RTRAF: variants seen among roughly 807,000 people sequenced by gnomAD.
RTRAF encodes the protein tRNA-splicing ligase complex subunit RTRAF.
A neutral mutation model predicts 34.4 loss-of-function variants in RTRAF; 14 were observed. The ratio of observed to expected loss-of-function variants is 0.41; its 90% CI spans 0.27 to 0.64. The LOEUF (loss-of-function observed/expected upper bound fraction) is 0.64, where lower values mean the gene tolerates loss of function less well. Among genes scored for constraint, RTRAF ranks in the 30% least tolerant of loss-of-function variants. The probability of loss-of-function intolerance (pLI) is 0.34; values close to 1 mark genes in which losing one functional copy is unlikely to be tolerated. For synonymous variants in RTRAF, 96 were observed against 95.3 expected, an observed-to-expected ratio of 1.01 and a Z score of -0.04; for missense variants, 291 against 288.4, an observed-to-expected ratio of 1.01 and a Z score of -0.06.
At position 52,009,425 on chromosome 14, in the gene RTRAF, C is replaced by T. The variant is rs1370896607; in HGVS notation, c.*4909C>T. 1.3e-5 allele frequency: 2 copies of T among 152,184 alleles called. No homozygotes were observed. The highest frequency in any genetic ancestry group is 2.9e-5 in the Non-Finnish European group (2 of 68,030). 9.4% of individuals were successfully genotyped at this position (152,184 alleles called of 1,614,324 possible). On this transcript the variant is annotated 3_prime_UTR_variant, in exon 8 of 8. Coordinates refer to ENST00000261700, the MANE Select transcript of RTRAF (RefSeq NM_016039.3). ...AGCAAATGAGAAATATGCAGGAAGG[C>T]TTGACAACCATTCTGTTACGCAGTT... is the stretch of plus-strand genomic sequence containing the variant.
intron 4 of RTRAF, 72 bp downstream of exon 4, chr14:51,998,652 G>A (rs1890559054): frequency 1.0e-6 from 1 of 967,158 alleles, no homozygotes; most frequent in South Asian, 1.6e-5. Flanking sequence ...TTTGAAGAAT[G>A]AAGTCCAGGT....
Position 52,008,306 on chromosome 14 carries a change from A to C in RTRAF, c.*3790A>C, listed in dbSNP as rs894858356. 1 of 195,908 alleles carries C rather than the reference A, an allele frequency of 5.1e-6. No individual in the cohort carries two copies. Among genetic ancestry groups the C allele is most frequent in the African/African-American group, 2.4e-5 (1 of 42,532 alleles). 12.1% of individuals were successfully genotyped at this position (195,908 alleles called of 1,614,324 possible). The stretch of plus-strand genomic sequence containing the variant: ...TGTCCTTGAGGGCTGTTGGCCAGAG[A>C]CATTAGTCTTGCCTGTAGCCCATGT... On this transcript the variant is annotated 3_prime_UTR_variant, in exon 8 of 8. Transcript: ENST00000261700.
At position 52,006,676 on chromosome 14, in the gene RTRAF, G is replaced by T; in HGVS notation, c.*2160G>T. Reference sequence around the variant, plus strand: ...TTTTTGGTTCCTTTTAAAACAAAGGGGGAAAATGAGGTCCTTCAGCTGCTT... The same window carrying T: ...TTTTTGGTTCCTTTTAAAACAAAGGTGGAAAATGAGGTCCTTCAGCTGCTT... On this transcript the variant is annotated 3_prime_UTR_variant, in exon 8 of 8. Transcript: ENST00000261700. 6.2e-7 allele frequency: 1 copy of T among 1,612,622 alleles called. No homozygotes were observed. The highest frequency in any genetic ancestry group is 1.1e-5 in the South Asian group (1 of 90,944).
intron 2 of RTRAF, among the ~76,000 whole-genome samples, chr14:51,993,049 G>C (rs1046627608): frequency 6.6e-6 from 1 of 152,056 alleles, no homozygotes; most frequent in African/African-American, 2.4e-5. Context: ...AAATATGTAT[G>C]TATGTGTGTG....
At chr14:51,990,168 C>G (rs1379220707) in intron 1 of RTRAF, among the ~76,000 whole-genome samples, 2 of 152,102 alleles carry the variant, frequency 1.3e-5, no homozygotes, top group Non-Finnish European at 2.9e-5. Flanking sequence ...ACCCACTGAG[C>G]AGTTTGAGAC....
At position 52,004,705 on chromosome 14, in the gene RTRAF, ATGTAC is replaced by A; in HGVS notation, c.*194_*198del. The A allele has an allele frequency of 1.9e-6, 1 of 533,128 alleles. No individual in the cohort carries two copies. Among genetic ancestry groups the A allele is most frequent in the South Asian group, 3.1e-5 (1 of 32,406 alleles). 33.0% of individuals were successfully genotyped at this position (533,128 alleles called of 1,614,324 possible). A position where few individuals can be genotyped will look rare whatever the true frequency, so the allele number is the denominator to read the frequency against. On this transcript the variant is annotated 3_prime_UTR_variant, in exon 8 of 8. Coordinates refer to ENST00000261700, the MANE Select transcript of RTRAF (RefSeq NM_016039.3). ...AGTTTAGGAAAGTAGAATTTTTATT[ATGTAC>A]TGTATGTTTGCATAAATCACCTTTC... is the stretch of plus-strand genomic sequence containing the variant.
chr14:52,006,457 A>G lies in RTRAF; in HGVS notation c.*1941A>G. The G allele has an allele frequency of 6.5e-7, 1 of 1,528,274 alleles. No homozygotes were observed. Among genetic ancestry groups the G allele is most frequent in the Non-Finnish European group, 9.0e-7 (1 of 1,115,066 alleles). 94.7% of individuals were successfully genotyped at this position (1,528,274 alleles called of 1,614,324 possible). ...GAGGGCTTAATGAGTCAAGTCAGGT[A>G]CTGACTTTTGGTAAAACAAGTGGTG... On this transcript the variant is annotated 3_prime_UTR_variant, in exon 8 of 8. Transcript: ENST00000261700.
intron 3 of RTRAF, among the ~76,000 whole-genome samples, chr14:51,996,812 A>G (rs1380612109): frequency 2.0e-5 from 3 of 152,044 alleles, no homozygotes; most frequent in African/African-American, 7.2e-5. Context: ...CTCTCGAAAG[A>G]AAAAAATAAC....
In RTRAF at chr14:51,989,660, G is replaced by T; in HGVS notation, c.21G>T (p.Thr7=). MFRRKL[T]ALDYHNPAGF... is the part of the protein sequence containing the mutation. ...GGACCATGTTCCGACGCAAGTTGAC[G>T]GCTCTCGACTACCACAACCCCGCCG... is the stretch of plus-strand genomic sequence containing the variant. Residue 7 remains threonine (T), a synonymous_variant, in exon 1 of 8, where the codon ACG becomes ACT. Transcript: ENST00000261700. 1 of 1,606,652 alleles carries T rather than the reference G, an allele frequency of 6.2e-7. No individual in the cohort carries two copies. The highest frequency in any genetic ancestry group is 8.5e-7 in the Non-Finnish European group (1 of 1,176,962).
In RTRAF at chr14:52,006,657, G is replaced by A. The variant is rs1890797122; in HGVS notation, c.*2141G>A. 2.5e-6 allele frequency: 4 copies of A among 1,613,066 alleles called. No individual in the cohort carries two copies. Among genetic ancestry groups the A allele is most frequent in the East Asian group, 2.2e-5 (1 of 44,874 alleles). On this transcript the variant is annotated 3_prime_UTR_variant, in exon 8 of 8. Coordinates refer to ENST00000261700, the MANE Select transcript of RTRAF (RefSeq NM_016039.3). ...AGGTAGTGTACACTCCAGTTTTTTGGTTCCTTTTAAAACAAAGGGGGAAAA... is the reference window on the plus strand; with the variant it reads ...AGGTAGTGTACACTCCAGTTTTTTGATTCCTTTTAAAACAAAGGGGGAAAA...
At position 52,006,453 on chromosome 14, in the gene RTRAF, A is replaced by AGGTACTGACT; in HGVS notation, c.*1938_*1947dup. The AGGTACTGACT allele has an allele frequency of 6.5e-7, 1 of 1,527,468 alleles. No individual in the cohort carries two copies. Among genetic ancestry groups the AGGTACTGACT allele is most frequent in the South Asian group, 1.2e-5 (1 of 83,666 alleles). The allele number at this position is 1,527,468 out of a possible 1,614,324, so 94.6% of individuals were successfully genotyped here. On this transcript the variant is annotated 3_prime_UTR_variant, in exon 8 of 8. Transcript: ENST00000261700. ...CTCAGAGGGCTTAATGAGTCAAGTC[A>AGGTACTGACT]GGTACTGACTTTTGGTAAAACAAGT...
Position 51,999,807 on chromosome 14 carries a change from T to C in RTRAF, c.462+11T>C, listed in dbSNP as rs754928668. 1 of 1,584,844 alleles carries C rather than the reference T, an allele frequency of 6.3e-7. No homozygotes were observed. The highest frequency in any genetic ancestry group is 1.3e-5 in the African/African-American group (1 of 74,436). On this transcript the variant is annotated intron_variant, in intron 5 of 7. Coordinates refer to ENST00000261700, the MANE Select transcript of RTRAF (RefSeq NM_016039.3). ...CTGGTAATGCTTAAGGTCAGCTTCA[T>C]GTTCTTGATTCTTGACAGAAACTGT...
In RTRAF at chr14:51,991,328, T is replaced by G; in HGVS notation, c.73T>G (p.Phe25Val). ...AGFNCKDETEFRNFIVWLEDQ... is the reference protein window; with the variant it reads ...AGFNCKDETEVRNFIVWLEDQ... ...ATTTTTTATTGCAGATGAAACAGAA[T>G]TTAGAAACTTCATCGTTTGGCTTGA... Residue 25 changes from phenylalanine (F) to valine (V), a missense_variant, in exon 2 of 8, where the codon TTT becomes GTT. Phe to Val is a conservative substitution (Grantham distance 50). Transcript: ENST00000261700. 19 of 1,613,186 alleles carry G rather than the reference T, an allele frequency of 1.2e-5. No homozygotes were observed. Among genetic ancestry groups the G allele is most frequent in the Non-Finnish European group, 1.6e-5 (19 of 1,179,406 alleles).
At chr14:52,001,072 C>A (rs1890594526) in intron 5 of RTRAF, among the ~76,000 whole-genome samples, 1 of 152,180 alleles carries the variant, frequency 6.6e-6, no homozygotes. Context: ...GGCAACCAGA[C>A]TATTTAATAA....
rs1199448782 is a variant in RTRAF, at chr14:52,005,704, A to AT, written c.*1191dup. On this transcript the variant is annotated 3_prime_UTR_variant, in exon 8 of 8. Coordinates refer to ENST00000261700, the MANE Select transcript of RTRAF (RefSeq NM_016039.3). ...TATATATCCCTTCTCTACCCTGCTAATTTAAAGGAGCATCCTAAAGCATAC... is the reference window on the plus strand; with the variant it reads ...TATATATCCCTTCTCTACCCTGCTAATTTTAAAGGAGCATCCTAAAGCATAC... The AT allele has an allele frequency of 6.5e-7, 1 of 1,548,984 alleles. No homozygotes were observed. Among genetic ancestry groups the AT allele is most frequent in the Non-Finnish European group, 8.9e-7 (1 of 1,120,804 alleles).
rs147413567 is a variant in RTRAF at position 52,005,783 on chromosome 14, T to C, written c.*1267T>C. On this transcript the variant is annotated 3_prime_UTR_variant, in exon 8 of 8. Coordinates refer to ENST00000261700, the MANE Select transcript of RTRAF (RefSeq NM_016039.3). ...CTGCAGTTATCCCGTAGAGGTGAGATCGTTGTTCTGGGAGATACTCATCAG... is the reference window on the plus strand; with the variant it reads ...CTGCAGTTATCCCGTAGAGGTGAGACCGTTGTTCTGGGAGATACTCATCAG... 4.3e-6 allele frequency: 7 copies of C among 1,613,980 alleles called. No homozygotes were observed. The highest frequency in any genetic ancestry group is 5.1e-6 in the Non-Finnish European group (6 of 1,179,860).
chr14:51,998,309 AT>A (rs1236388063), intron 3 of RTRAF, 184 bp from the exon 4 acceptor site: 4 of 468,394 alleles, frequency 8.5e-6, no homozygotes, highest in Non-Finnish European at 1.5e-5. Flanking sequence ...CATCCCCAAA[AT>A]ATCCCATTTT....
rs1890824244 is a variant in RTRAF at position 52,007,324 on chromosome 14, G to C, written c.*2808G>C. Reference sequence around the variant, plus strand: ...AGAACAGTCTTTTTCATATTCTTTAGTATAGAACTAGACACACAGCATTTT... The same window carrying C: ...AGAACAGTCTTTTTCATATTCTTTACTATAGAACTAGACACACAGCATTTT... On this transcript the variant is annotated 3_prime_UTR_variant, in exon 8 of 8. Coordinates refer to ENST00000261700, the MANE Select transcript of RTRAF (RefSeq NM_016039.3). 1 of 163,890 alleles carries C rather than the reference G, an allele frequency of 6.1e-6. No individual in the cohort carries two copies. Among genetic ancestry groups the C allele is most frequent in the Admixed American group, 6.2e-5 (1 of 16,164 alleles). 10.2% of individuals were successfully genotyped at this position (163,890 alleles called of 1,614,324 possible).
Position 51,993,761 on chromosome 14 carries a change from T to A in RTRAF, c.225T>A (p.Asp75Glu). Reference sequence around the variant, plus strand: ...TTAACTGTCCTTTCAAGATTCAAGATCGACAAGAAGCTATTGACTGGCTTC... The same window carrying A: ...TTAACTGTCCTTTCAAGATTCAAGAACGACAAGAAGCTATTGACTGGCTTC... The part of the protein sequence containing the change: ...RDVNCPFKIQ[D>E]RQEAIDWLLG... The change falls in exon 3 of 8, where the codon GAT (aspartate) becomes GAA (glutamate). Residue 75 changes from aspartate to glutamate, a missense_variant. Coordinates refer to ENST00000261700, the MANE Select transcript of RTRAF (RefSeq NM_016039.3). 1 of 1,604,286 alleles carries A rather than the reference T, an allele frequency of 6.2e-7. No homozygotes were observed. The highest frequency in any genetic ancestry group is 8.5e-7 in the Non-Finnish European group (1 of 1,176,626).
Sources: allele counts gnomAD v4.1 joint callset (sites outside exome capture counted in the v4.1 genomes callset), GRCh38; gene constraint gnomAD v4.1.1; transcripts MANE v1.5; gene names NCBI Gene and HGNC (gene_info 2026-07-23, HGNC 2026-07-21).